Variants in SF3B3 observed in about 807,000 individuals in gnomAD.
The protein encoded by SF3B3 is splicing factor 3b subunit 3, also known as SAP 130.
Under a neutral mutation model 139.2 loss-of-function variants are expected in SF3B3, and 33 were observed. The observed-to-expected ratio is 0.24, with a 90% CI of 0.18 to 0.32. The LOEUF is 0.32. Ranked by LOEUF, SF3B3 falls within the 10% of genes least tolerant of loss-of-function variation. SF3B3 has a pLI of 1.00. For missense variants in SF3B3, 818 were observed against 1,509.4 expected, an observed-to-expected ratio of 0.54 and a Z score of 7.59; for synonymous variants, 596 against 563.6, an observed-to-expected ratio of 1.06 and a Z score of -0.81.
chr16:70,565,559 G>C, intron 20 of SF3B3, 35 bp downstream of exon 20: 2 of 1,588,332 alleles, frequency 1.3e-6, no homozygotes, highest in Non-Finnish European at 8.6e-7. Context: ...TAGATTTTAA[G>C]TCCCATTGAA....
Position 70,526,585 on chromosome 16 carries a change from A to T in SF3B3, c.-70-2A>T. The T allele has an allele frequency of 1.9e-6, 2 of 1,030,948 alleles. No individual in the cohort carries two copies. Among genetic ancestry groups the T allele is most frequent in the Non-Finnish European group, 2.9e-6 (2 of 679,892 alleles). 63.9% of individuals were successfully genotyped at this position (1,030,948 alleles called of 1,614,324 possible). A position where few individuals can be genotyped will look rare whatever the true frequency, so the allele number is the denominator to read the frequency against. ...CTATTTTTCTGTTTTCTGTTTTCTT[A>T]GCTTTCTTGGACTCCGTACTGTTGG... On this transcript the variant is annotated splice_acceptor_variant, in intron 1 of 25. Transcript: ENST00000302516. LOFTEE classifies it low-confidence loss of function (5UTR_SPLICE).
intron 6 of SF3B3, among the ~76,000 whole-genome samples, chr16:70,537,345 A>G (rs146665212): frequency 6.6e-6 from 1 of 152,044 alleles, no homozygotes; most frequent in East Asian, 1.9e-4. Context: ...CTTTTTTGGT[A>G]ACTGATAATG....
intron 2 of SF3B3, among the ~76,000 whole-genome samples, chr16:70,528,072 G>A (rs1214809370): frequency 6.6e-6 from 1 of 151,714 alleles, no homozygotes; most frequent in Non-Finnish European, 1.5e-5. Flanking sequence ...ACTGTGCCCT[G>A]CTGAAAGCAC....
intron 2 of SF3B3, chr16:70,527,086 G>C: frequency 4.6e-6 from 1 of 218,320 alleles, no homozygotes. Context: ...TGTTTGTCTG[G>C]TTATCAGAGA....
At position 70,541,930 on chromosome 16, in the gene SF3B3, C is replaced by T. The variant is rs79548368; in HGVS notation, c.1233+96C>T. 7.0e-3 allele frequency: 8,009 copies of T among 1,136,418 alleles called. 446 individuals carry two copies. In the African/African-American group the frequency reaches 0.11, roughly 15 times the overall value. 70.4% of individuals were successfully genotyped at this position (1,136,418 alleles called of 1,614,324 possible). ...TTTATTAGTATTTCCATGAACTCGC[C>T]AGTGTGTAAAGCAGTTAGAGGTAGA... On this transcript the variant is annotated intron_variant, in intron 9 of 25. Coordinates refer to ENST00000302516, the MANE Select transcript of SF3B3 (RefSeq NM_012426.5).
chr16:70,554,427 C>T lies in SF3B3; in HGVS notation c.1403-19C>T. On this transcript the variant is annotated intron_variant, in intron 11 of 25. Coordinates refer to ENST00000302516, the MANE Select transcript of SF3B3 (RefSeq NM_012426.5). The stretch of plus-strand genomic sequence containing the variant: ...CTAATGAGTTCTTATCTAACCAACT[C>T]CCTTCTTTTCTTTTTCAGATGAGTT... 1 of 1,613,276 alleles carries T rather than the reference C, an allele frequency of 6.2e-7. No homozygotes were observed. The highest frequency in any genetic ancestry group is 8.5e-7 in the Non-Finnish European group (1 of 1,179,404).
rs375590370 is a variant in SF3B3, at chr16:70,532,464, C to T, written c.571-15C>T. 1 of 1,612,652 alleles carries T rather than the reference C, an allele frequency of 6.2e-7. No homozygotes were observed. Among genetic ancestry groups the T allele is most frequent in the Non-Finnish European group, 8.5e-7 (1 of 1,179,278 alleles). ...TTATGCTGATGATTAGTTTTTATGC[C>T]ACTATTCTCTGTAGGAAGCAGACAA... is the stretch of plus-strand genomic sequence containing the variant. On this transcript the variant is annotated splice_polypyrimidine_tract_variant and intron_variant, in intron 4 of 25. Coordinates refer to ENST00000302516, the MANE Select transcript of SF3B3 (RefSeq NM_012426.5).
chr16:70,550,775 C>A, intron 11 of SF3B3: 1 of 497,642 alleles, frequency 2.0e-6, no homozygotes, highest in Non-Finnish European at 2.6e-6. Context: ...TGGTGTCTTT[C>A]AGAGGGTAAC....
intron 17 of SF3B3, 123 bp downstream of exon 17, chr16:70,561,907 T>A: frequency 1.3e-6 from 1 of 785,450 alleles, no homozygotes; most frequent in South Asian, 1.9e-5. Flanking sequence ...ACCATGAAGC[T>A]TGTGTGTTGC....
intron 11 of SF3B3, 111 bp downstream of exon 11, chr16:70,548,553 AC>A: frequency 1.1e-6 from 1 of 922,872 alleles, no homozygotes; most frequent in Non-Finnish European, 1.7e-6. Flanking sequence ...AGCACCATAT[AC>A]CAGAAACTTT....
Position 70,561,491 on chromosome 16 carries a change from A to C in SF3B3, c.2134-139A>C. On this transcript the variant is annotated intron_variant, in intron 16 of 25. Coordinates refer to ENST00000302516, the MANE Select transcript of SF3B3 (RefSeq NM_012426.5). Reference sequence around the variant, plus strand: ...GCCTCTCTCTAGCCCTCTTTTTCTTAAGATAGCCTGTTATATTTCTAGAAT... The same window carrying C: ...GCCTCTCTCTAGCCCTCTTTTTCTTCAGATAGCCTGTTATATTTCTAGAAT... The C allele has an allele frequency of 6.8e-6, 5 of 731,662 alleles. No individual in the cohort carries two copies. The South Asian group carries it at 9.0e-5, about 13-fold the overall frequency. The allele number at this position is 731,662 out of a possible 1,614,324, so 45.3% of individuals were successfully genotyped here.
At chr16:70,532,204 A>C (rs2050127652) in intron 4 of SF3B3, among the ~76,000 whole-genome samples, 2 of 151,978 alleles carry the variant, frequency 1.3e-5, no homozygotes, top group South Asian at 2.1e-4. Flanking sequence ...AGGCAGGAGA[A>C]TCACTTGAAC....
rs1454248248 is a variant in SF3B3, at chr16:70,574,087, C to T, written c.*2274C>T. 1 of 152,180 alleles carries T rather than the reference C, an allele frequency of 6.6e-6. No homozygotes were observed. The highest frequency in any genetic ancestry group is 1.5e-5 in the Non-Finnish European group (1 of 68,038). The allele number at this position is 152,180 out of a possible 1,614,324, so 9.4% of individuals were successfully genotyped here. A position where few individuals can be genotyped will look rare whatever the true frequency, so the allele number is the denominator to read the frequency against. On this transcript the variant is annotated 3_prime_UTR_variant, in exon 26 of 26. Coordinates refer to ENST00000302516, the MANE Select transcript of SF3B3 (RefSeq NM_012426.5). ...ATGTGTGCTGTTCCCACGCTGCTGC[C>T]TTTCTTGAGCTTGTTAGAGGAAAGC...
rs554644291 is a variant in SF3B3 at position 70,566,515 on chromosome 16, T to C, written c.2827-896T>C. On this transcript the variant is annotated intron_variant, in intron 20 of 25. Coordinates refer to ENST00000302516, the MANE Select transcript of SF3B3 (RefSeq NM_012426.5). ...AGGCAGAGGTTGCAGTGAGCCGAGATTGCGCCACTGCACTCCAGCGTGGGT... is the reference window on the plus strand; with the variant it reads ...AGGCAGAGGTTGCAGTGAGCCGAGACTGCGCCACTGCACTCCAGCGTGGGT... 9.2e-5 allele frequency among the ~76,000 whole-genome samples: 14 copies of C among 152,254 alleles called. No homozygotes were observed. The South Asian group carries it at 1.7e-3, about 18-fold the overall frequency.
intron 15 of SF3B3, among the ~76,000 whole-genome samples, chr16:70,558,272 GT>G (rs11311769): frequency 0.56 from 82,615 of 146,858 alleles, 23,692 homozygotes; most frequent in South Asian, 0.71. Flanking sequence ...TAATTTTAAT[GT>G]TTTTTTTTTT....
At chr16:70,567,661 C>T (rs970472340) in intron 21 of SF3B3, 125 bp downstream of exon 21, 62 of 1,169,134 alleles carry the variant, frequency 5.3e-5, no homozygotes, top group Non-Finnish European at 4.5e-5. Context: ...ACCCCAATTC[C>T]AGCTTCAGAA....
chr16:70,543,392 G>C (rs1303047065), intron 9 of SF3B3, among the ~76,000 whole-genome samples: 1 of 144,050 alleles, frequency 6.9e-6, no homozygotes, highest in Non-Finnish European at 1.5e-5. Flanking sequence ...CCTGGGTAAC[G>C]AGCGAAACCC....
At chr16:70,542,027 G>A (rs1036808521) in intron 9 of SF3B3, among the ~76,000 whole-genome samples, 193 bp downstream of exon 9, 44 of 152,150 alleles carry the variant, frequency 2.9e-4, no homozygotes, top group African/African-American at 1.1e-3. Flanking sequence ...CACGTTTAAT[G>A]TAAAAATGCA....
rs1366204797 is a variant in SF3B3 at position 70,573,320 on chromosome 16, G to T, written c.*1507G>T. ...GGCCCTAAATCCATTCTATCAAATT[G>T]TGTGATACTGACATGCAGTCATCTG... is the stretch of plus-strand genomic sequence containing the variant. On this transcript the variant is annotated 3_prime_UTR_variant, in exon 26 of 26. Coordinates refer to ENST00000302516, the MANE Select transcript of SF3B3 (RefSeq NM_012426.5). 6.6e-6 allele frequency: 1 copy of T among 152,178 alleles called. No individual in the cohort carries two copies. Among genetic ancestry groups the T allele is most frequent in the African/African-American group, 2.4e-5 (1 of 41,444 alleles). 9.4% of individuals were successfully genotyped at this position (152,178 alleles called of 1,614,324 possible).
Sources: allele counts gnomAD v4.1 joint callset (sites outside exome capture counted in the v4.1 genomes callset), GRCh38; gene constraint gnomAD v4.1.1; transcripts MANE v1.5; gene names NCBI Gene and HGNC (gene_info 2026-07-23, HGNC 2026-07-21).